The following GNG7 variants were observed in gnomAD, a reference collection of about 807,000 sequenced individuals.
GNG7 encodes G protein subunit gamma 7, also known as guanine nucleotide-binding protein G(I)/G(S)/G(O) subunit gamma-7.
Under a neutral mutation model 4.0 loss-of-function variants are expected in GNG7, and 1 was observed. The ratio of observed to expected loss-of-function variants is 0.25; its 90% CI spans 0.09 to 1.18. The LOEUF (loss-of-function observed/expected upper bound fraction) is 1.18. GNG7 is among the 50% of genes most tolerant of loss of function. GNG7 has a pLI of 0.50. For synonymous variants in GNG7, 34 were observed against 36.9 expected (o/e 0.92, Z 0.29); for missense variants, 86 against 91.9 (o/e 0.94, Z 0.26).
At chr19:2,602,437 G>A (rs8106149) in intron 2 of GNG7, among the ~76,000 whole-genome samples, 23,580 of 152,180 alleles carry the variant, frequency 0.15, 4,056 homozygotes, top group African/African-American at 0.39. Context: ...ACGCTTTTAA[G>A]CAGATCCAGC....
chr19:2,527,436 G>A (rs370108782), intron 3 of GNG7, among the ~76,000 whole-genome samples: 9 of 152,304 alleles, frequency 5.9e-5, no homozygotes, highest in African/African-American at 1.7e-4. Flanking sequence ...CTGTGCCCCC[G>A]CCCTCGAACC....
chr19:2,603,526 A>T (rs1357286589), intron 2 of GNG7, among the ~76,000 whole-genome samples: 1 of 152,228 alleles, frequency 6.6e-6, no homozygotes, highest in East Asian at 1.9e-4. Flanking sequence ...CGAGGAATCC[A>T]GCCATCCCCG....
chr19:2,690,639 G>A (rs943955994), intron 1 of GNG7, among the ~76,000 whole-genome samples: 4 of 151,886 alleles, frequency 2.6e-5, no homozygotes, highest in African/African-American at 7.3e-5. Flanking sequence ...TGTCGCCCAG[G>A]CTGGAGTGCA....
In GNG7 at chr19:2,547,032, G is replaced by A. The variant is rs1979151252; in HGVS notation, c.-38+8117C>T. Among the ~76,000 whole-genome samples the A allele has an allele frequency of 3.3e-5, 5 of 152,050 alleles. No homozygotes were observed. The South Asian group carries it at 1.0e-3, about 32-fold the overall frequency. Reference sequence around the variant, plus strand: ...TAGGAAGAGAACAGAGGGCAGTACCGGGCCTTCCCACCTCAGCACAGGTGG... The same window carrying A: ...TAGGAAGAGAACAGAGGGCAGTACCAGGCCTTCCCACCTCAGCACAGGTGG... On this transcript the variant is annotated intron_variant, in intron 3 of 4. Transcript: ENST00000382159.
At chr19:2,547,785 C>T (rs1369221971) in intron 3 of GNG7, among the ~76,000 whole-genome samples, 1 of 152,240 alleles carries the variant, frequency 6.6e-6, no homozygotes, top group African/African-American at 2.4e-5. Context: ...TTCCCAGGGC[C>T]GATCTCCTTC....
intron 1 of GNG7, among the ~76,000 whole-genome samples, chr19:2,684,687 G>T (rs987074289): frequency 3.3e-5 from 5 of 152,140 alleles, no homozygotes; most frequent in Admixed American, 3.3e-4. Flanking sequence ...CAGATTCACA[G>T]AGACGGAAAG....
chr19:2,674,001 C>T (rs569067788), intron 1 of GNG7, among the ~76,000 whole-genome samples: 1 of 152,152 alleles, frequency 6.6e-6, no homozygotes, highest in African/African-American at 2.4e-5. Context: ...CCGTGGCTCA[C>T]GCCTGTAATC....
intron 2 of GNG7, among the ~76,000 whole-genome samples, chr19:2,577,068 T>C (rs1185999802): frequency 1.3e-5 from 2 of 152,242 alleles, no homozygotes; most frequent in African/African-American, 2.4e-5. Flanking sequence ...TGTATTCCTG[T>C]TGGCAGGGTC....
rs552686228 is a variant in GNG7 at position 2,513,698 on chromosome 19, G to A, written c.*1324C>T. On this transcript the variant is annotated 3_prime_UTR_variant, in exon 5 of 5. Coordinates refer to ENST00000382159, the MANE Select transcript of GNG7 (RefSeq NM_052847.3). The stretch of plus-strand genomic sequence containing the variant: ...CGGACGTTTTGATCTCCGGGACAAC[G>A]TCTCACCTCCCAGAGTCCTTCAGAG... 6.5e-4 allele frequency: 205 copies of A among 315,102 alleles called. No individual in the cohort carries two copies. Among genetic ancestry groups the A allele is most frequent in the African/African-American group, 4.5e-3 (201 of 44,616 alleles). The allele number at this position is 315,102 out of a possible 1,614,324, so 19.5% of individuals were successfully genotyped here. A position where few individuals can be genotyped will look rare whatever the true frequency, so the allele number is the denominator to read the frequency against.
intron 2 of GNG7, chr19:2,643,306 G>A (rs1210472027): frequency 4.7e-6 from 2 of 424,090 alleles, no homozygotes; most frequent in African/African-American, 2.1e-5. Flanking sequence ...TGCAAAGTCC[G>A]AGACCTCCCC....
At chr19:2,517,452 C>T (rs959012558) in intron 4 of GNG7, among the ~76,000 whole-genome samples, 10 of 152,144 alleles carry the variant, frequency 6.6e-5, no homozygotes, top group African/African-American at 2.4e-4. Flanking sequence ...GCAACCTCCG[C>T]CCCCTGGGTC....
At chr19:2,686,987 C>A (rs1983888684) in intron 1 of GNG7, among the ~76,000 whole-genome samples, 1 of 150,882 alleles carries the variant, frequency 6.6e-6, no homozygotes, top group Admixed American at 6.6e-5. Context: ...CTCCTGACCT[C>A]GTGATCCGCC....
chr19:2,575,768 C>A (rs1489465564), intron 2 of GNG7, among the ~76,000 whole-genome samples: 2 of 130,710 alleles, frequency 1.5e-5, no homozygotes, highest in Non-Finnish European at 3.2e-5. Flanking sequence ...CACGCAGGCA[C>A]ACGCAGGCAC....
intron 3 of GNG7, among the ~76,000 whole-genome samples, chr19:2,521,812 C>T (rs866150571): frequency 6.6e-6 from 1 of 152,042 alleles, no homozygotes; most frequent in Admixed American, 6.6e-5. Context: ...CAGCGTTTCA[C>T]CATGTTGGCC....
At chr19:2,525,910 A>G (rs2144732882) in intron 3 of GNG7, among the ~76,000 whole-genome samples, 2 of 147,358 alleles carry the variant, frequency 1.4e-5, no homozygotes, top group South Asian at 4.3e-4. Context: ...TCCGGGTTCA[A>G]GCGATTCTCT....
chr19:2,684,492 G>A (rs1410037219), intron 1 of GNG7, among the ~76,000 whole-genome samples: 6 of 151,878 alleles, frequency 4.0e-5, no homozygotes, highest in East Asian at 2.0e-4. Flanking sequence ...GACCCTGGAC[G>A]GATGCACGGA....
At chr19:2,699,278 A>G (rs1045939904) in intron 1 of GNG7, among the ~76,000 whole-genome samples, 1 of 151,346 alleles carries the variant, frequency 6.6e-6, no homozygotes, top group Non-Finnish European at 1.5e-5. Flanking sequence ...CCCCCCAAGT[A>G]GCTGGGATTA....
At chr19:2,566,835 G>C (rs536201676) in intron 2 of GNG7, among the ~76,000 whole-genome samples, 60 of 152,240 alleles carry the variant, frequency 3.9e-4, no homozygotes, top group African/African-American at 1.4e-3. Context: ...GGGCATGGTG[G>C]CTCAAGCCTG....
At chr19:2,691,658 G>A (rs1913138353) in intron 1 of GNG7, among the ~76,000 whole-genome samples, 1 of 152,108 alleles carries the variant, frequency 6.6e-6, no homozygotes, top group South Asian at 2.1e-4. Context: ...CCTGAGGTCA[G>A]GAGTTCGAGA....
Sources: allele counts gnomAD v4.1 joint callset (sites outside exome capture counted in the v4.1 genomes callset), GRCh38; gene constraint gnomAD v4.1.1; transcripts MANE v1.5; gene names NCBI Gene and HGNC (gene_info 2026-07-23, HGNC 2026-07-21).